The following LMF1 variants were observed in gnomAD, a reference collection of about 807,000 sequenced individuals.
LMF1 encodes lipase maturation factor 1, also known as transmembrane protein 112.
LMF1 carries 68 observed loss-of-function variants against 60.6 expected under a neutral mutation model. The observed-to-expected ratio is 1.12, with a 90% CI of 0.92 to 1.37. The LOEUF (loss-of-function observed/expected upper bound fraction) is 1.37. Among genes scored for constraint, LMF1 ranks in the 40% most tolerant of loss-of-function variants. The probability of loss-of-function intolerance (pLI) is 0.00; values close to 1 mark genes in which losing one functional copy is unlikely to be tolerated. For missense variants in LMF1, 948 were observed against 767.2 expected, an observed-to-expected ratio of 1.24 and a Z score of -2.78; for synonymous variants, 418 against 324.7, an observed-to-expected ratio of 1.29 and a Z score of -3.09.
chr16:867,295 T>C (rs2069636028), intron 10 of LMF1, among the ~76,000 whole-genome samples: 1 of 152,232 alleles, frequency 6.6e-6, no homozygotes, highest in African/African-American at 2.4e-5. Flanking sequence ...GAAGCTGCTC[T>C]GACATGATTA....
At chr16:914,456 C>T (rs117954478) in intron 3 of LMF1, among the ~76,000 whole-genome samples, 4,452 of 151,660 alleles carry the variant, frequency 0.029, 99 homozygotes, top group Middle Eastern at 0.078. Flanking sequence ...CCCTGAGCCC[C>T]GTGATCGCTC....
intron 4 of LMF1, among the ~76,000 whole-genome samples, chr16:902,935 T>C (rs1368936823): frequency 1.3e-5 from 1 of 76,690 alleles, no homozygotes; most frequent in East Asian, 4.3e-4. Context: ...CTGTCTCTGC[T>C]GTGTGGTGGT....
At chr16:889,370 G>C (rs763674385) in intron 5 of LMF1, among the ~76,000 whole-genome samples, 9 of 149,874 alleles carry the variant, frequency 6.0e-5, no homozygotes, top group South Asian at 4.2e-4. Context: ...ATGGCCATGG[G>C]TGTGAGGCTG....
Position 869,384 on chromosome 16 carries a change from C to T in LMF1, c.1417-328G>A, listed in dbSNP as rs185039359. ...TGAGACGGGACCGGGAGGACAGAAA[C>T]AGCAGCTCTGTCCATGGGTGCCTCT... On this transcript the variant is annotated intron_variant, in intron 9 of 10. Coordinates refer to ENST00000262301, the MANE Select transcript of LMF1 (RefSeq NM_022773.4). 1.5e-3 allele frequency: 880 copies of T among 595,496 alleles called. 11 individuals are homozygous for T. The East Asian group carries it at 0.029, about 20-fold the overall frequency. 36.9% of individuals were successfully genotyped at this position (595,496 alleles called of 1,614,324 possible). A position where few individuals can be genotyped will look rare whatever the true frequency, so the allele number is the denominator to read the frequency against.
chr16:981,476 G>A (rs956517767), upstream of LMF1: 12 of 257,016 alleles, frequency 4.7e-5, no homozygotes, highest in Non-Finnish European at 1.0e-4. Flanking sequence ...GCCCGCAGAG[G>A]AGAGGAAGCG....
At chr16:899,633 T>C (rs2151740085) in intron 4 of LMF1, 1 of 152,386 alleles carries the variant, frequency 6.6e-6, no homozygotes, top group South Asian at 2.1e-4. Flanking sequence ...CAGCAGCCTG[T>C]GGACTTCAAA....
At chr16:869,603 G>C in intron 9 of LMF1, 2 of 651,090 alleles carry the variant, frequency 3.1e-6, no homozygotes, top group Non-Finnish European at 2.9e-6. Context: ...ATTGTTCGTA[G>C]ATACAGGGTC....
chr16:957,803 G>A (rs1345531518), intron 1 of LMF1, among the ~76,000 whole-genome samples: 1 of 152,102 alleles, frequency 6.6e-6, no homozygotes, highest in African/African-American at 2.4e-5. Context: ...CCGACACACA[G>A]AGTGAACAAA....
intron 10 of LMF1, among the ~76,000 whole-genome samples, chr16:859,494 G>A (rs1179384748): frequency 2.0e-5 from 2 of 98,476 alleles, no homozygotes; most frequent in Non-Finnish European, 3.8e-5. Flanking sequence ...GTGGTGTCTC[G>A]GGACGGGTGT....
At chr16:863,284 G>A (rs1182688656) in intron 10 of LMF1, among the ~76,000 whole-genome samples, 1 of 152,130 alleles carries the variant, frequency 6.6e-6, no homozygotes, top group Non-Finnish European at 1.5e-5. Flanking sequence ...GGGACTACAG[G>A]CACCTGCCAC....
Position 932,589 on chromosome 16 carries a change from T to TA in LMF1, c.514+1654dup, listed in dbSNP as rs529887421. Reference sequence around the variant, plus strand: ...ACTGTTGTGATTGTACAATTTTAATTAAAAAAATTTTTTTTGTGGTGATAG... The same window carrying TA: ...ACTGTTGTGATTGTACAATTTTAATTAAAAAAAATTTTTTTTGTGGTGATAG... On this transcript the variant is annotated intron_variant, in intron 3 of 10. Coordinates refer to ENST00000262301, the MANE Select transcript of LMF1 (RefSeq NM_022773.4). Among the ~76,000 whole-genome samples the TA allele has an allele frequency of 3.0e-3, 451 of 152,284 alleles. 3 individuals are homozygous for TA. Among genetic ancestry groups the TA allele is most frequent in the African/African-American group, 0.01 (428 of 41,550 alleles).
In LMF1 at chr16:954,351, A is replaced by C. The variant is rs1437670823; in HGVS notation, c.503+6T>G. The C allele has an allele frequency of 6.2e-7, 1 of 1,610,542 alleles. No individual in the cohort carries two copies. Among genetic ancestry groups the C allele is most frequent in the African/African-American group, 1.3e-5 (1 of 74,770 alleles). ...AAGCTCCGACCGCCCCATTCCTGCT[A>C]CTCACCAGACATGGCCCACATTAAC... On this transcript the variant is annotated splice_donor_region_variant and intron_variant, in intron 2 of 10. Coordinates refer to ENST00000262301, the MANE Select transcript of LMF1 (RefSeq NM_022773.4).
At chr16:864,307 G>C (rs1463887690) in intron 10 of LMF1, among the ~76,000 whole-genome samples, 2 of 152,148 alleles carry the variant, frequency 1.3e-5, no homozygotes, top group Non-Finnish European at 2.9e-5. Flanking sequence ...TGCCTATACA[G>C]AGGGTCCCTA....
intron 2 of LMF1, 21 bp downstream of exon 2, chr16:954,336 C>A: frequency 1.2e-6 from 2 of 1,606,842 alleles, no homozygotes; most frequent in East Asian, 4.5e-5. Context: ...AAGCTCCGAC[C>A]GCCCCATTCC....
chr16:978,573 C>T (rs894923530), intron 1 of LMF1, among the ~76,000 whole-genome samples: 8 of 152,194 alleles, frequency 5.3e-5, no homozygotes, highest in African/African-American at 7.2e-5. Flanking sequence ...TCTCCACGCC[C>T]GGCACTCACG....
intron 10 of LMF1, among the ~76,000 whole-genome samples, chr16:867,899 C>CT (rs1459351636): frequency 6.6e-6 from 1 of 152,202 alleles, no homozygotes; most frequent in Non-Finnish European, 1.5e-5. Context: ...CTCGGCGCCC[C>CT]TCCCATCCCC....
In LMF1 at chr16:870,923, G is replaced by A. The variant is rs756839097; in HGVS notation, c.1079-41C>T. ...CATCTTCCAGGTGGGGCTCCCAGCT[G>A]CCCCGTGGCCTGTCCCTGGGGAGAC... On this transcript the variant is annotated intron_variant, in intron 7 of 10. Transcript: ENST00000262301. 5 of 1,559,432 alleles carry A rather than the reference G, an allele frequency of 3.2e-6. No individual in the cohort carries two copies. In the East Asian group the frequency reaches 1.2e-4, roughly 37 times the overall value.
At chr16:942,191 T>A (rs1321589861) in intron 2 of LMF1, among the ~76,000 whole-genome samples, 1 of 152,258 alleles carries the variant, frequency 6.6e-6, no homozygotes, top group African/African-American at 2.4e-5. Flanking sequence ...GAACTCTGGG[T>A]TGACAATCGT....
Position 857,751 on chromosome 16 carries a change from GC to G in LMF1, c.1530-3046del, listed in dbSNP as rs1180162599. ...GTGCGTGGTGTCTCGGGACGGGTGTGCAGTGGTGTCTCGGGACGGGTGTGCG... is the reference window on the plus strand; with the variant it reads ...GTGCGTGGTGTCTCGGGACGGGTGTGAGTGGTGTCTCGGGACGGGTGTGCG... On this transcript the variant is annotated intron_variant, in intron 10 of 10. Transcript: ENST00000262301. 1.0e-3 allele frequency among the ~76,000 whole-genome samples: 33 copies of G among 32,024 alleles called. 3 individuals are homozygous for G. Among genetic ancestry groups the G allele is most frequent in the Middle Eastern group, 0.011 (1 of 90 alleles). 21.0% of individuals were successfully genotyped at this position (32,024 alleles called of 152,430 possible). A position where few individuals can be genotyped will look rare whatever the true frequency, so the allele number is the denominator to read the frequency against.
Sources: allele counts gnomAD v4.1 joint callset (sites outside exome capture counted in the v4.1 genomes callset), GRCh38; gene constraint gnomAD v4.1.1; transcripts MANE v1.5; gene names NCBI Gene and HGNC (gene_info 2026-07-23, HGNC 2026-07-21).